NFIC: variants seen among roughly 807,000 people sequenced by gnomAD.
The protein encoded by NFIC is nuclear factor 1 C-type.
In NFIC, 12 loss-of-function variants were observed where a neutral mutation model predicts 54.4. The ratio of observed to expected loss-of-function variants is 0.22; its 90% CI spans 0.14 to 0.36. NFIC has a LOEUF of 0.36. Among genes scored for constraint, NFIC ranks in the 10% least tolerant of loss-of-function variants. NFIC has a pLI of 1.00. For missense variants in NFIC, 575 were observed against 718.2 expected, an observed-to-expected ratio of 0.80 and a Z score of 2.28; for synonymous variants, 322 against 319.2, an observed-to-expected ratio of 1.01 and a Z score of -0.09.
chr19:3,430,107 C>T lies in NFIC; in HGVS notation c.635-3411C>T, dbSNP rs2082097980. ...CCGCCTGCCTTACCACAGGCTGATG[C>T]ACCTCGCATTTGACTTAATGAGCTT... On this transcript the variant is annotated intron_variant, in intron 3 of 10. Transcript: ENST00000443272. Among the ~76,000 whole-genome samples the T allele has an allele frequency of 2.0e-5, 3 of 152,140 alleles. No homozygotes were observed. In the South Asian group the frequency reaches 6.2e-4, roughly 32 times the overall value.
At chr19:3,454,096 C>T (rs909830706) in intron 9 of NFIC, 180 bp downstream of exon 9, 1 of 1,359,878 alleles carries the variant, frequency 7.4e-7, no homozygotes, top group African/African-American at 1.5e-5. Flanking sequence ...GCTGAGGCAG[C>T]CTTAGGGGCT....
upstream of NFIC, among the ~76,000 whole-genome samples, chr19:3,366,343 C>T (rs1213857544): frequency 2.9e-5 from 1 of 34,222 alleles, no homozygotes; most frequent in African/African-American, 1.2e-4. Context: ...GTGGGAGGTT[C>T]GGGGTGGGAG....
chr19:3,377,009 C>T (rs2081119471), intron 1 of NFIC, among the ~76,000 whole-genome samples: 1 of 150,608 alleles, frequency 6.6e-6, no homozygotes, highest in Non-Finnish European at 1.5e-5. Flanking sequence ...GGATTACAGG[C>T]GTGAGCCACC....
chr19:3,361,997 A>G (rs10409042), upstream of NFIC, among the ~76,000 whole-genome samples: 141,493 of 152,200 alleles, frequency 0.93, 65,955 homozygotes, highest in Non-Finnish European at 0.95. Context: ...ATGGGCAGAC[A>G]CACTCACGGA....
intron 2 of NFIC, among the ~76,000 whole-genome samples, chr19:3,413,359 G>A (rs2081796260): frequency 6.6e-6 from 1 of 152,096 alleles, no homozygotes; most frequent in African/African-American, 2.4e-5. Flanking sequence ...CCTCCTAAAA[G>A]GATTTACAGG....
chr19:3,456,829 T>C, intron 10 of NFIC, 194 bp downstream of exon 10: 1 of 619,554 alleles, frequency 1.6e-6, no homozygotes, highest in Non-Finnish European at 2.9e-6. Flanking sequence ...TCCACCTTGG[T>C]CCTGGGGGGA....
chr19:3,403,894 C>T (rs906471288), intron 2 of NFIC, among the ~76,000 whole-genome samples: 1 of 151,656 alleles, frequency 6.6e-6, no homozygotes, highest in South Asian at 2.1e-4. Flanking sequence ...TCGGGCGCTT[C>T]CGACTGGCCC....
At chr19:3,445,412 C>T (rs1028519837) in intron 6 of NFIC, among the ~76,000 whole-genome samples, 7 of 152,178 alleles carry the variant, frequency 4.6e-5, no homozygotes, top group African/African-American at 1.4e-4. Context: ...CCTCGATGTC[C>T]GAGGCCTCAG....
At position 3,375,339 on chromosome 19, in the gene NFIC, G is replaced by A. The variant is rs1206581918; in HGVS notation, c.31-6373G>A. Among the ~76,000 whole-genome samples the A allele has an allele frequency of 6.6e-6, 1 of 152,136 alleles. No individual in the cohort carries two copies. Among genetic ancestry groups the A allele is most frequent in the Non-Finnish European group, 1.5e-5 (1 of 68,010 alleles). Reference sequence around the variant, plus strand: ...CCACAGGCAGGTCCTGCGCCTCTATGGGTCCTCTCTGCCGCGTCCCACTGT... The same window carrying A: ...CCACAGGCAGGTCCTGCGCCTCTATAGGTCCTCTCTGCCGCGTCCCACTGT... On this transcript the variant is annotated intron_variant, in intron 1 of 10. Coordinates refer to ENST00000443272, the MANE Select transcript of NFIC (RefSeq NM_001245002.2). This position sits in a 1 kb window ranked among gnomAD's most constrained non-coding sequence, Gnocchi z 4.6.
At chr19:3,447,968 GA>G (rs1318496769) in intron 6 of NFIC, among the ~76,000 whole-genome samples, 12 of 152,222 alleles carry the variant, frequency 7.9e-5, no homozygotes, top group African/African-American at 2.9e-4. Context: ...GCAATGGCGT[GA>G]TCTCGGCCCA....
chr19:3,448,776 G>A (rs570206121), intron 6 of NFIC, among the ~76,000 whole-genome samples: 1 of 152,144 alleles, frequency 6.6e-6, no homozygotes, highest in Non-Finnish European at 1.5e-5. Context: ...CCAGGGGCAC[G>A]TGTTGATACC....
rs543682824 is a variant in NFIC at position 3,459,261 on chromosome 19, A to G, written c.1509+2626A>G. Among the ~76,000 whole-genome samples, 42 of 127,218 alleles carry G rather than the reference A, an allele frequency of 3.3e-4. No homozygotes were observed. The highest frequency in any genetic ancestry group is 2.0e-3 in the Admixed American group (25 of 12,578). 83.5% of individuals were successfully genotyped at this position (127,218 alleles called of 152,430 possible). On this transcript the variant is annotated intron_variant, in intron 10 of 10. Transcript: ENST00000443272. The surrounding 1 kb of genome is among the most constrained non-coding windows in gnomAD (Gnocchi z 4.2). ...CAGTCCATGGACTCTCCCCCCATCAATATCCCTCCCCGTGATCTATGCTAA... is the reference window on the plus strand; with the variant it reads ...CAGTCCATGGACTCTCCCCCCATCAGTATCCCTCCCCGTGATCTATGCTAA...
At position 3,463,144 on chromosome 19, in the gene NFIC, A is replaced by G. The variant is rs2082665947; in HGVS notation, c.*375A>G. 9.0e-7 allele frequency: 1 copy of G among 1,113,332 alleles called. No individual in the cohort carries two copies. The highest frequency in any genetic ancestry group is 1.1e-6 in the Non-Finnish European group (1 of 911,346). 69.0% of individuals were successfully genotyped at this position (1,113,332 alleles called of 1,614,324 possible). A position where few individuals can be genotyped will look rare whatever the true frequency, so the allele number is the denominator to read the frequency against. On this transcript the variant is annotated 3_prime_UTR_variant, in exon 11 of 11. Coordinates refer to ENST00000443272, the MANE Select transcript of NFIC (RefSeq NM_001245002.2). The stretch of plus-strand genomic sequence containing the variant: ...TCTCCTCTCCGCCTGCTGCTCGGGA[A>G]GGACAGACGCCGGCCGCCCGCCCGC...
At chr19:3,414,706 T>C (rs547426476) in intron 2 of NFIC, among the ~76,000 whole-genome samples, 1 of 152,256 alleles carries the variant, frequency 6.6e-6, no homozygotes, top group South Asian at 2.1e-4. Flanking sequence ...TCTAGTTTGC[T>C]CATCTAATGT....
At position 3,464,390 on chromosome 19, in the gene NFIC, G is replaced by A; in HGVS notation, c.*1621G>A. ...AAAAACACTAAGCTGGGGACGCCAGGTGCCCCCCCACCCCGGCTCCCTGGC... is the reference window on the plus strand; with the variant it reads ...AAAAACACTAAGCTGGGGACGCCAGATGCCCCCCCACCCCGGCTCCCTGGC... On this transcript the variant is annotated 3_prime_UTR_variant, in exon 11 of 11. Transcript: ENST00000443272. 4 of 984,804 alleles carry A rather than the reference G, an allele frequency of 4.1e-6. No individual in the cohort carries two copies. The highest frequency in any genetic ancestry group is 4.8e-6 in the Non-Finnish European group (4 of 829,578). 61.0% of individuals were successfully genotyped at this position (984,804 alleles called of 1,614,324 possible). A position where few individuals can be genotyped will look rare whatever the true frequency, so the allele number is the denominator to read the frequency against.
At chr19:3,446,387 C>T (rs1017473856) in intron 6 of NFIC, among the ~76,000 whole-genome samples, 3 of 150,712 alleles carry the variant, frequency 2.0e-5, no homozygotes, top group Non-Finnish European at 3.0e-5. Context: ...TTGTTACAAC[C>T]GGGGGTGCTC....
At chr19:3,402,099 G>A (rs1348552815) in intron 2 of NFIC, among the ~76,000 whole-genome samples, 2 of 151,824 alleles carry the variant, frequency 1.3e-5, no homozygotes, top group Non-Finnish European at 2.9e-5. Flanking sequence ...AGGCTGAAGT[G>A]CAGTGGCACG....
intron 2 of NFIC, among the ~76,000 whole-genome samples, chr19:3,402,109 G>C (rs894916833): frequency 6.6e-6 from 1 of 151,780 alleles, no homozygotes; most frequent in Non-Finnish European, 1.5e-5. Flanking sequence ...GCAGTGGCAC[G>C]ATCTCAGCTG....
chr19:3,450,748 T>A (rs1191446806), intron 7 of NFIC, among the ~76,000 whole-genome samples: 1 of 152,188 alleles, frequency 6.6e-6, no homozygotes, highest in African/African-American at 2.4e-5. Context: ...AAATATTGCT[T>A]ACCACCCCAT....
Sources: allele counts gnomAD v4.1 joint callset (sites outside exome capture counted in the v4.1 genomes callset), GRCh38; gene constraint gnomAD v4.1.1; non-coding constraint Gnocchi (gnomAD v3.1); transcripts MANE v1.5; gene names NCBI Gene and HGNC (gene_info 2026-07-23, HGNC 2026-07-21).